ZNF230: variants seen among roughly 807,000 people sequenced by gnomAD.
ZNF230 encodes the protein zinc finger protein FDZF2.
In ZNF230, 12 loss-of-function variants were observed where a neutral mutation model predicts 10.0. That is an observed-to-expected ratio of 1.20 (90% CI 0.77 to 1.95). The LOEUF is 1.95. Among genes scored for constraint, ZNF230 ranks in the 30% most tolerant of loss-of-function variants. The pLI is 0.00. For missense variants in ZNF230, 532 were observed against 565.8 expected (o/e 0.94, Z 0.61); for synonymous variants, 174 against 193.6 (o/e 0.90, Z 0.84).
chr19:44,008,512 C>T (rs1020861169), intron 2 of ZNF230, among the ~76,000 whole-genome samples: 1 of 152,162 alleles, frequency 6.6e-6, no homozygotes, highest in Non-Finnish European at 1.5e-5. Flanking sequence ...TGGCAAAATT[C>T]ATTGAAACCT....
At chr19:44,003,635 TG>T in intron 1 of ZNF230, 1 of 195,278 alleles carries the variant, frequency 5.1e-6, no homozygotes. Flanking sequence ...TTAACTTTTA[TG>T]GGGGACCGCG....
intron 1 of ZNF230, among the ~76,000 whole-genome samples, chr19:44,006,273 C>T (rs535221243): frequency 8.5e-5 from 13 of 152,174 alleles, no homozygotes; most frequent in Middle Eastern, 3.4e-3. Context: ...CAGATTTGTC[C>T]GCTGTAAAGT....
chr19:44,009,397 C>T, intron 4 of ZNF230: 5 of 586,442 alleles, frequency 8.5e-6, no homozygotes, highest in Non-Finnish European at 1.2e-5. Context: ...GTTTTCCACT[C>T]CTTGGTCCAA....
Position 44,010,684 on chromosome 19 carries a change from G to A in ZNF230, c.645G>A (p.Glu215=). Residue 215 remains glutamate, a synonymous_variant, in exon 5 of 5, where the codon GAG becomes GAA. Coordinates refer to ENST00000429154, the MANE Select transcript of ZNF230 (RefSeq NM_006300.4). Reference sequence around the variant, plus strand: ...AGAGCTCATGTCTGCAAACTCGTGAGAGAGTCCACACTGGAGAGAAACCAT... The same window carrying A: ...AGAGCTCATGTCTGCAAACTCGTGAAAGAGTCCACACTGGAGAGAAACCAT... ...FSQSSCLQTR[E]RVHTGEKPFK... 2 of 1,614,244 alleles carry A rather than the reference G, an allele frequency of 1.2e-6. No individual in the cohort carries two copies. The highest frequency in any genetic ancestry group is 1.7e-5 in the Admixed American group (1 of 60,026).
At position 44,011,855 on chromosome 19, in the gene ZNF230, A is replaced by G. The variant is rs531399898; in HGVS notation, c.*391A>G. ...ATTTATCTTACCTTGCTTAGCTTAT[A>G]TTGTTTAACATGTCCTCCAAAGCTC... On this transcript the variant is annotated 3_prime_UTR_variant, in exon 5 of 5. Coordinates refer to ENST00000429154, the MANE Select transcript of ZNF230 (RefSeq NM_006300.4). The G allele has an allele frequency of 5.2e-6, 1 of 193,698 alleles. No individual in the cohort carries two copies. The highest frequency in any genetic ancestry group is 1.4e-4 in the East Asian group (1 of 6,946). The allele number at this position is 193,698 out of a possible 1,614,324, so 12.0% of individuals were successfully genotyped here.
At chr19:44,009,200 A>G (rs775723182) in intron 4 of ZNF230, 30 bp downstream of exon 4, 7 of 1,607,658 alleles carry the variant, frequency 4.4e-6, no homozygotes, top group Admixed American at 3.3e-5. Context: ...GTGTCCTTGT[A>G]CATGACTTTC....
intron 1 of ZNF230, 34 bp downstream of exon 1, chr19:44,003,141 C>G (rs959428640): frequency 2.0e-5 from 3 of 152,116 alleles, no homozygotes; most frequent in South Asian, 2.1e-4. Flanking sequence ...GTTTTTTTCC[C>G]GTCCACGGAA....
intron 2 of ZNF230, 136 bp from the exon 3 acceptor site, chr19:44,008,654 C>A: frequency 8.9e-7 from 1 of 1,117,322 alleles, no homozygotes. Flanking sequence ...TCAGGAAAAT[C>A]ACTGTCAGGA....
intron 4 of ZNF230, among the ~76,000 whole-genome samples, chr19:44,009,780 G>A (rs7245749): frequency 0.53 from 80,457 of 152,032 alleles, 24,733 homozygotes; most frequent in Non-Finnish European, 0.71. Flanking sequence ...CTGTCCTCCC[G>A]CATGATATGT....
chr19:44,007,048 A>G lies in ZNF230; in HGVS notation c.-31A>G. ...CTTCCTTTGTGCTCCATTACTCAAG[A>G]CACTGAAGACTCCAAAAAGTAGTAG... On this transcript the variant is annotated 5_prime_UTR_variant, in exon 2 of 5. Transcript: ENST00000429154. 1 of 1,586,298 alleles carries G rather than the reference A, an allele frequency of 6.3e-7. No individual in the cohort carries two copies. Among genetic ancestry groups the G allele is most frequent in the African/African-American group, 1.3e-5 (1 of 74,488 alleles).
At position 44,009,164 on chromosome 19, in the gene ZNF230, A is replaced by C; in HGVS notation, c.223A>C (p.Asn75His). The C allele has an allele frequency of 1.5e-5, 25 of 1,614,186 alleles. No homozygotes were observed. The highest frequency in any genetic ancestry group is 2.0e-5 in the Non-Finnish European group (24 of 1,180,006). Residue 75 changes from asparagine (N) to histidine (H), a missense_variant, in exon 4 of 5, where the codon AAT (asparagine) becomes CAT (histidine). Transcript: ENST00000429154. Reference sequence around the variant, plus strand: ...GGAGACAGCAACCCAAAGAGAAGGAAATTCAGGTAAGAAGCAAGCAACTGT... The same window carrying C: ...GGAGACAGCAACCCAAAGAGAAGGACATTCAGGTAAGAAGCAAGCAACTGT... The part of the protein sequence containing the change: ...MMETATQREG[N>H]SGGKTIAEAG...
chr19:44,006,266 A>G (rs934934075), intron 1 of ZNF230, among the ~76,000 whole-genome samples: 5 of 152,070 alleles, frequency 3.3e-5, no homozygotes, highest in African/African-American at 1.2e-4. Context: ...TGCCTTTCAG[A>G]TTTGTCCGCT....
chr19:44,006,294 A>T (rs1336823000), intron 1 of ZNF230, among the ~76,000 whole-genome samples: 1 of 151,566 alleles, frequency 6.6e-6, no homozygotes, highest in Non-Finnish European at 1.5e-5. Flanking sequence ...TACCTTTTTT[A>T]AAAAAACTCA....
In ZNF230 at chr19:44,011,340, T is replaced by A. The variant is rs6413542; in HGVS notation, c.1301T>A (p.Phe434Tyr). Residue 434 changes from phenylalanine to tyrosine, a missense_variant, in exon 5 of 5, where the codon TTC becomes TAC. By Grantham distance (22) the Phe-to-Tyr change is conservative. Coordinates refer to ENST00000429154, the MANE Select transcript of ZNF230 (RefSeq NM_006300.4). Reference sequence around the variant, plus strand: ...GGAAAGAGGCTTGTACACCGGTCTTTCTGTAAAGACCAACAAGGAGACCAC... The same window carrying A: ...GGAAAGAGGCTTGTACACCGGTCTTACTGTAAAGACCAACAAGGAGACCAC... ...DCGKRLVHRS[F>Y]CKDQQGDHNG... 16,769 of 1,613,958 alleles carry A rather than the reference T, an allele frequency of 0.01. 193 individuals carry two copies. The highest frequency in any genetic ancestry group is 0.01 in the Non-Finnish European group (11,983 of 1,179,924).
At chr19:44,006,784 A>G (rs903560037) in intron 1 of ZNF230, 2 of 266,196 alleles carry the variant, frequency 7.5e-6, no homozygotes, top group African/African-American at 2.2e-5. Flanking sequence ...ATGTTGTAGC[A>G]TGGGTTGGTA....
Position 44,010,404 on chromosome 19 carries a change from T to A in ZNF230, c.365T>A (p.Val122Asp). The A allele has an allele frequency of 6.2e-7, 1 of 1,614,206 alleles. No homozygotes were observed. The highest frequency in any genetic ancestry group is 8.5e-7 in the Non-Finnish European group (1 of 1,180,018). ...NNSHFFEQGD[V>D]PSQVEAGLSI... ...TCTCACTTCTTTGAACAAGGTGATG[T>A]CCCCTCCCAGGTTGAGGCAGGACTA... The change falls in exon 5 of 5, where the codon GTC (valine) becomes GAC (aspartate). Residue 122 changes from valine (V) to aspartate (D), a missense_variant. By Grantham distance (152) the Val-to-Asp change is radical. Coordinates refer to ENST00000429154, the MANE Select transcript of ZNF230 (RefSeq NM_006300.4).
chr19:44,003,695 C>A, intron 1 of ZNF230: 1 of 217,536 alleles, frequency 4.6e-6, no homozygotes, highest in South Asian at 8.2e-5. Context: ...CCTGACCTTT[C>A]TAAAAGAGCT....
rs753743469 is a variant in ZNF230, at chr19:44,011,062, T to A, written c.1023T>A (p.Cys341Ter). 2 of 1,614,160 alleles carry A rather than the reference T, an allele frequency of 1.2e-6. No individual in the cohort carries two copies. The highest frequency in any genetic ancestry group is 1.6e-4 in the Middle Eastern group (1 of 6,062). The change falls in exon 5 of 5, where the codon TGT (cysteine) becomes TGA (stop). Residue 341 changes from cysteine (C) to a stop codon, truncating the protein, a stop_gained. Coordinates refer to ENST00000429154, the MANE Select transcript of ZNF230 (RefSeq NM_006300.4). LOFTEE classifies it low-confidence loss of function (END_TRUNC). Reference sequence around the variant, plus strand: ...AGAAACCGTACAATTGTAAAGAATGTGGGAAGAGCTTCAGATGGTCCTCAT... The same window carrying A: ...AGAAACCGTACAATTGTAAAGAATGAGGGAAGAGCTTCAGATGGTCCTCAT... ...TGQKPYNCKE[C>*]GKSFRWSSYL...
At chr19:44,005,306 A>G (rs1351524283) in intron 1 of ZNF230, among the ~76,000 whole-genome samples, 2 of 152,166 alleles carry the variant, frequency 1.3e-5, no homozygotes, top group Non-Finnish European at 2.9e-5. Flanking sequence ...CCAGGAACAT[A>G]ACTAACCAGA....
Sources: allele counts gnomAD v4.1 joint callset (sites outside exome capture counted in the v4.1 genomes callset), GRCh38; gene constraint gnomAD v4.1.1; transcripts MANE v1.5; gene names NCBI Gene and HGNC (gene_info 2026-07-23, HGNC 2026-07-21).